CUL2: variants seen among roughly 807,000 people sequenced by gnomAD.
CUL2 encodes the protein cullin 2.
CUL2 carries 22 observed loss-of-function variants against 110.2 expected under a neutral mutation model. That is an observed-to-expected ratio of 0.20 (90% CI 0.14 to 0.28). The LOEUF is 0.28. Among genes scored for constraint, CUL2 ranks in the 10% least tolerant of loss-of-function variants. The probability of loss-of-function intolerance (pLI) is 1.00; values close to 1 mark genes in which losing one functional copy is unlikely to be tolerated. For synonymous variants in CUL2, 279 were observed against 293.2 expected, an observed-to-expected ratio of 0.95 and a Z score of 0.49; for missense variants, 631 against 905.5, an observed-to-expected ratio of 0.70 and a Z score of 3.89.
chr10:35,058,149 G>T (rs2086290142), intron 4 of CUL2, among the ~76,000 whole-genome samples: 1 of 152,014 alleles, frequency 6.6e-6, no homozygotes, highest in Admixed American at 6.6e-5. Flanking sequence ...CATGGGAGAA[G>T]GTCTAAATAT....
intron 1 of CUL2, chr10:35,126,523 A>AC (rs2087835971): frequency 6.6e-6 from 1 of 152,472 alleles, no homozygotes. Flanking sequence ...AGCCGAGACC[A>AC]CGCCACTGCA....
Position 35,010,130 on chromosome 10 carries a change from TGAAATATCTC to T in CUL2, c.*171_*180del. 2.5e-6 allele frequency: 1 copy of T among 408,156 alleles called. No individual in the cohort carries two copies. The highest frequency in any genetic ancestry group is 4.1e-6 in the Non-Finnish European group (1 of 243,652). 25.3% of individuals were successfully genotyped at this position (408,156 alleles called of 1,614,324 possible). On this transcript the variant is annotated 3_prime_UTR_variant, in exon 21 of 21. Coordinates refer to ENST00000374749, the MANE Select transcript of CUL2 (RefSeq NM_003591.4). ...AAGAAATGTCATAATGACATGAGCT[TGAAATATCTC>T]TAGGCATTTTCTTTGACGCTCATGA...
intron 1 of CUL2, chr10:35,120,502 T>A (rs888674296): frequency 2.6e-5 from 4 of 152,214 alleles, no homozygotes; most frequent in Admixed American, 2.6e-4. Flanking sequence ...GATGGCACTA[T>A]AACCTACAAA....
chr10:35,014,618 A>G (rs1352439276), intron 18 of CUL2, among the ~76,000 whole-genome samples: 1 of 151,912 alleles, frequency 6.6e-6, no homozygotes, highest in Non-Finnish European at 1.5e-5. Flanking sequence ...AGATTACTTG[A>G]GCTCAGGAGT....
chr10:35,064,223 T>TA (rs2086460632), intron 2 of CUL2: 1 of 152,164 alleles, frequency 6.6e-6, no homozygotes, highest in Non-Finnish European at 1.5e-5. Flanking sequence ...ATAAAGGACC[T>TA]ATGAGCAACC....
chr10:35,012,460 G>A (rs886705887), intron 19 of CUL2, among the ~76,000 whole-genome samples: 1 of 152,024 alleles, frequency 6.6e-6, no homozygotes, highest in African/African-American at 2.4e-5. Flanking sequence ...AGCTCCAAAT[G>A]CATACTGGAT....
intron 1 of CUL2, among the ~76,000 whole-genome samples, chr10:35,120,695 G>A (rs949831827): frequency 6.6e-6 from 1 of 151,180 alleles, no homozygotes; most frequent in Non-Finnish European, 1.5e-5. Context: ...TCAGGAGTTC[G>A]AGACCAGCCT....
At position 35,031,612 on chromosome 10, in the gene CUL2, T is replaced by G; in HGVS notation, c.1178A>C (p.Lys393Thr). 1 of 1,614,110 alleles carries G rather than the reference T, an allele frequency of 6.2e-7. No homozygotes were observed. Among genetic ancestry groups the G allele is most frequent in the Non-Finnish European group, 8.5e-7 (1 of 1,180,006 alleles). The change falls in exon 13 of 21, where the codon AAG becomes ACG. Residue 393 changes from lysine to threonine, a missense_variant. By Grantham distance (78) the Lys-to-Thr change is moderately conservative. Coordinates refer to ENST00000374749, the MANE Select transcript of CUL2 (RefSeq NM_003591.4). The surrounding 1 kb of genome is among the most constrained non-coding windows in gnomAD (Gnocchi z 4.4). ...SVCKAPELLA[K>T]YCDNLLKKSA... is the part of the protein sequence containing the mutation. Reference sequence around the variant, plus strand: ...CTTCTTCAGTAAGTTGTCACAGTACTTAGCAAGCTCATGTAGAAATTGATA... The same window carrying G: ...CTTCTTCAGTAAGTTGTCACAGTACGTAGCAAGCTCATGTAGAAATTGATA...
intron 11 of CUL2, 54 bp from the exon 12 acceptor site, chr10:35,032,548 C>T: frequency 7.2e-7 from 1 of 1,396,588 alleles, no homozygotes; most frequent in Non-Finnish European, 9.9e-7. Flanking sequence ...AAAAGTACAG[C>T]TAGTTCAATA....
intron 9 of CUL2, among the ~76,000 whole-genome samples, chr10:35,036,346 G>A (rs1234800354): frequency 6.6e-6 from 1 of 152,138 alleles, no homozygotes; most frequent in Non-Finnish European, 1.5e-5. Context: ...ACAGTAACTG[G>A]ACATTTGAGC....
chr10:35,043,880 C>A (rs1418680011), intron 8 of CUL2, among the ~76,000 whole-genome samples: 4 of 151,722 alleles, frequency 2.6e-5, no homozygotes, highest in African/African-American at 9.7e-5. Context: ...CCAGCCTGGG[C>A]AACACAGCAA....
intron 1 of CUL2, among the ~76,000 whole-genome samples, chr10:35,125,733 T>C (rs1246647519): frequency 1.3e-5 from 2 of 152,192 alleles, no homozygotes; most frequent in Non-Finnish European, 2.9e-5. Flanking sequence ...CTGCTGTAAG[T>C]TGTTTGGCTT....
intron 1 of CUL2, among the ~76,000 whole-genome samples, chr10:35,082,356 A>G (rs1227569939): frequency 2.6e-5 from 4 of 152,212 alleles, no homozygotes; most frequent in Non-Finnish European, 5.9e-5. Context: ...CAAATTCATA[A>G]AGACAGAAAG....
intron 6 of CUL2, among the ~76,000 whole-genome samples, chr10:35,048,322 A>G (rs2086004967): frequency 6.6e-6 from 1 of 152,178 alleles, no homozygotes; most frequent in African/African-American, 2.4e-5. Flanking sequence ...AGCAGACCAG[A>G]TAATCTATCT....
At position 35,101,592 on chromosome 10, in the gene CUL2, G is replaced by T. The variant is rs920388961; in HGVS notation, c.-50-532C>A. 3.3e-5 allele frequency among the ~76,000 whole-genome samples: 5 copies of T among 152,244 alleles called. No homozygotes were observed. In the East Asian group the frequency reaches 9.7e-4, roughly 29 times the overall value. The stretch of plus-strand genomic sequence containing the variant: ...AACCCCTGAGACCAAGATTAGTTTT[G>T]AACTGAAGAGTTACAAGTGGGATGC... On this transcript the variant is annotated intron_variant, in intron 1 of 5. Transcript: ENST00000685421.
intron 16 of CUL2, among the ~76,000 whole-genome samples, chr10:35,026,801 AAT>A (rs1175435227): frequency 4.6e-5 from 7 of 152,186 alleles, no homozygotes; most frequent in Non-Finnish European, 8.8e-5. Flanking sequence ...ATTAGTAAAA[AAT>A]ATATGTTGAC....
Position 35,035,189 on chromosome 10 carries a change from T to C in CUL2, c.985A>G (p.Asn329Asp). Residue 329 changes from asparagine (N) to aspartate (D), a missense_variant, in exon 10 of 21, where the codon AAC (asparagine) becomes GAC (aspartate). Physicochemically the swap from Asn to Asp is conservative, Grantham distance 23. This residue lies in a region of CUL2 where 338 missense variants were observed against 442.5 expected (regional missense o/e 0.76). Transcript: ENST00000374749. The part of the protein sequence containing the change: ...IHDEGLRATS[N>D]LTQENMPTLF... ...CAACTCACGTTTTCCTGAGTAAGGT[T>C]GCTGGTTGCTCGAAGGCCCTCATCA... is the stretch of plus-strand genomic sequence containing the variant. The C allele has an allele frequency of 6.2e-7, 1 of 1,614,204 alleles. No homozygotes were observed. Among genetic ancestry groups the C allele is most frequent in the Non-Finnish European group, 8.5e-7 (1 of 1,180,034 alleles).
rs2087681960 is a variant in CUL2 at position 35,121,822 on chromosome 10, A to AAT, written c.-51+4782_-51+4783insAT. Among the ~76,000 whole-genome samples, 3 of 151,982 alleles carry AAT rather than the reference A, an allele frequency of 2.0e-5. No individual in the cohort carries two copies. In the South Asian group the frequency reaches 6.2e-4, roughly 32 times the overall value. Reference sequence around the variant, plus strand: ...AAGACCCTGTCTCAAAAAAAAAAAAAAAAATAAAAATTAGTTTAGTTTAAC... The same window carrying AAT: ...AAGACCCTGTCTCAAAAAAAAAAAAAATAAAATAAAAATTAGTTTAGTTTAAC... On this transcript the variant is annotated intron_variant, in intron 1 of 5. Coordinates refer to the CUL2 transcript ENST00000685421.
At chr10:35,070,669 T>C (rs1437647127) in intron 2 of CUL2, among the ~76,000 whole-genome samples, 1 of 152,122 alleles carries the variant, frequency 6.6e-6, no homozygotes, top group East Asian at 1.9e-4. Context: ...TCACTGAACT[T>C]GCTGTTCACT....
Sources: gnomAD v4.1 joint callset for allele counts (sites outside exome capture counted in the v4.1 genomes callset) on GRCh38, gnomAD v4.1.1 for gene constraint, gnomAD v4.1.1 regional missense constraint, Gnocchi (gnomAD v3.1) non-coding constraint, MANE v1.5 for transcripts, NCBI Gene and HGNC (gene_info 2026-07-23, HGNC 2026-07-21) for gene names.